Variants in AGTPBP1 observed in about 807,000 individuals in gnomAD.
AGTPBP1 encodes ATP/GTP binding carboxypeptidase 1.
A neutral mutation model predicts 143.9 loss-of-function variants in AGTPBP1; 70 were observed. The observed-to-expected ratio is 0.49, with a 90% CI of 0.40 to 0.59. AGTPBP1 has a LOEUF of 0.59. AGTPBP1 is among the 20% of genes least tolerant of loss of function. The probability of loss-of-function intolerance (pLI) is 0.00; values close to 1 mark genes in which losing one functional copy is unlikely to be tolerated. For synonymous variants in AGTPBP1, 463 were observed against 500.2 expected (o/e 0.93, Z 0.99); for missense variants, 1,229 against 1,464.5 (o/e 0.84, Z 2.62).
intron 4 of AGTPBP1, among the ~76,000 whole-genome samples, chr9:85,680,034 T>C (rs1478445486): frequency 6.6e-6 from 1 of 152,182 alleles, no homozygotes; most frequent in Non-Finnish European, 1.5e-5. Context: ...AATCACTCTA[T>C]TTCTCACTGA....
the AGTPBP1 span, among the ~76,000 whole-genome samples, chr9:85,768,710 A>G: frequency 6.6e-6 from 1 of 152,120 alleles, no homozygotes; most frequent in South Asian, 2.1e-4. Context: ...TGCACAGAGA[A>G]ATAGAATGGC....
chr9:85,758,812 G>A, the AGTPBP1 span, among the ~76,000 whole-genome samples: 2 of 152,162 alleles, frequency 1.3e-5, no homozygotes, highest in Admixed American at 1.3e-4. Flanking sequence ...AAACAGAAAA[G>A]AGGAGATTAT....
At chr9:85,697,863 A>G (rs537864551) in intron 2 of AGTPBP1, among the ~76,000 whole-genome samples, 3 of 152,314 alleles carry the variant, frequency 2.0e-5, no homozygotes, top group East Asian at 1.9e-4. Flanking sequence ...AAAAAGTTTG[A>G]TAACTGCTCT....
At position 85,692,834 on chromosome 9, in the gene AGTPBP1, T is replaced by C. The variant is rs1430098057; in HGVS notation, c.33-21A>G. 3 of 1,608,716 alleles carry C rather than the reference T, an allele frequency of 1.9e-6. No homozygotes were observed. In the South Asian group the frequency reaches 3.3e-5, roughly 18 times the overall value. On this transcript the variant is annotated intron_variant, in intron 2 of 25. Coordinates refer to ENST00000357081, the MANE Select transcript of AGTPBP1 (RefSeq NM_001330701.2). The stretch of plus-strand genomic sequence containing the variant: ...TAAGGCTAAAAAGAACGTAGAATGT[T>C]AGGGCACATTCTAAATCAATGGTGT...
the AGTPBP1 span, among the ~76,000 whole-genome samples, chr9:85,752,876 G>A: frequency 4.6e-5 from 7 of 152,232 alleles, no homozygotes; most frequent in East Asian, 1.4e-3. Flanking sequence ...TTAGCTGGAT[G>A]TGGTGGTACA....
At position 85,586,863 on chromosome 9, in the gene AGTPBP1, G is replaced by C. The variant is rs777123357; in HGVS notation, c.3001C>G (p.Gln1001Glu). Residue 1001 changes from glutamine to glutamate, a missense_variant, in exon 22 of 26, where the codon CAA becomes GAA. By Grantham distance (29) the Gln-to-Glu change is conservative. Around this residue, in one of 2 missense-constraint regions of AGTPBP1, gnomAD observed 486 missense variants for 652.3 expected, o/e 0.75. Transcript: ENST00000357081. ...PTIYHAKGLL[Q>E]YLAAVKRLPL... The stretch of plus-strand genomic sequence containing the variant: ...AAACGCTTCACTGCAGCCAAGTATT[G>C]CAACAGCCCCTTAGCATGGTAAATT... 1.6e-5 allele frequency: 26 copies of C among 1,613,770 alleles called. No homozygotes were observed. The Admixed American group carries it at 3.0e-4, about 19-fold the overall frequency.
chr9:85,602,802 G>A (rs1220148658), intron 17 of AGTPBP1, among the ~76,000 whole-genome samples: 2 of 152,202 alleles, frequency 1.3e-5, no homozygotes. Flanking sequence ...CACCACTCCC[G>A]CAGTCCAGCC....
In AGTPBP1 at chr9:85,644,618, G is replaced by C. The variant is rs545543950; in HGVS notation, c.1186-1675C>G. 3.3e-5 allele frequency among the ~76,000 whole-genome samples: 5 copies of C among 152,236 alleles called. No individual in the cohort carries two copies. In the East Asian group the frequency reaches 5.8e-4, roughly 18 times the overall value. On this transcript the variant is annotated intron_variant, in intron 12 of 25. Coordinates refer to ENST00000357081, the MANE Select transcript of AGTPBP1 (RefSeq NM_001330701.2). ...CTACCACTCCTTAAAAGTTCTGCTAGTTAAGGAAGGAACAAAGAATGCACT... is the reference window on the plus strand; with the variant it reads ...CTACCACTCCTTAAAAGTTCTGCTACTTAAGGAAGGAACAAAGAATGCACT...
the AGTPBP1 span, among the ~76,000 whole-genome samples, chr9:85,749,001 T>TC: frequency 6.9e-6 from 1 of 145,886 alleles, no homozygotes; most frequent in East Asian, 2.0e-4. Context: ...AGTGCACTTT[T>TC]TTTTTTTTTT....
intron 12 of AGTPBP1, among the ~76,000 whole-genome samples, chr9:85,643,553 T>C (rs180898515): frequency 3.9e-4 from 59 of 152,222 alleles, no homozygotes; most frequent in African/African-American, 1.2e-3. Context: ...TTAGAGTGCA[T>C]GGGAAATAAA....
upstream of AGTPBP1, among the ~76,000 whole-genome samples, chr9:85,742,199 G>T (rs1184739358): frequency 6.6e-6 from 1 of 152,052 alleles, no homozygotes; most frequent in Non-Finnish European, 1.5e-5. Flanking sequence ...GGGAATTAGG[G>T]GCGGGTGTTC....
At chr9:85,706,199 GA>G (rs887650606) in intron 2 of AGTPBP1, among the ~76,000 whole-genome samples, 14 of 151,504 alleles carry the variant, frequency 9.2e-5, no homozygotes, top group African/African-American at 3.4e-4. Flanking sequence ...AGGAAGAAGA[GA>G]ATAAAAAATG....
upstream of AGTPBP1, among the ~76,000 whole-genome samples, chr9:85,744,898 C>A (rs1349454012): frequency 6.6e-6 from 1 of 152,208 alleles, no homozygotes; most frequent in Non-Finnish European, 1.5e-5. Flanking sequence ...CTACTTTGAA[C>A]CATACAAAAC....
At chr9:85,586,230 A>G (rs1240991559) in intron 22 of AGTPBP1, among the ~76,000 whole-genome samples, 1 of 152,040 alleles carries the variant, frequency 6.6e-6, no homozygotes, top group Non-Finnish European at 1.5e-5. Context: ...AATTAAAAAC[A>G]AAGAATAACA....
intron 2 of AGTPBP1, among the ~76,000 whole-genome samples, chr9:85,701,211 C>CT (rs577823972): frequency 2.4e-4 from 35 of 145,364 alleles, no homozygotes; most frequent in Admixed American, 7.6e-4. Context: ...CACACCTGGC[C>CT]TTTTTTTTTT....
chr9:85,549,763 G>A (rs1825930296), intron 25 of AGTPBP1, among the ~76,000 whole-genome samples: 3 of 152,172 alleles, frequency 2.0e-5, no homozygotes, highest in African/African-American at 4.8e-5. Context: ...CAACCTGGAA[G>A]GCAAGTACCT....
chr9:85,585,663 A>G (rs1828557880), intron 22 of AGTPBP1, 69 bp from the exon 23 acceptor site: 1 of 1,287,332 alleles, frequency 7.8e-7, no homozygotes, highest in African/African-American at 1.5e-5. Flanking sequence ...GGTAGTTAAT[A>G]TCAAGCCAAT....
chr9:85,679,430 C>T (rs769403141), intron 4 of AGTPBP1, among the ~76,000 whole-genome samples: 6 of 151,018 alleles, frequency 4.0e-5, no homozygotes, highest in Admixed American at 1.3e-4. Flanking sequence ...TTTTTTGAGA[C>T]GGAGTCTCGC....
intron 11 of AGTPBP1, among the ~76,000 whole-genome samples, chr9:85,648,794 A>G (rs1328316220): frequency 6.6e-6 from 1 of 152,224 alleles, no homozygotes; most frequent in East Asian, 1.9e-4. Flanking sequence ...CCTGGGCAAC[A>G]GTGCGAGACT....
Sources: gnomAD v4.1 joint callset for allele counts (sites outside exome capture counted in the v4.1 genomes callset) on GRCh38, gnomAD v4.1.1 for gene constraint, gnomAD v4.1.1 regional missense constraint, MANE v1.5 for transcripts, NCBI Gene and HGNC (gene_info 2026-07-23, HGNC 2026-07-21) for gene names.